Variants in SERPINA12 observed in about 807,000 individuals in gnomAD.
SERPINA12 encodes serpin A12.
Under a neutral mutation model 25.9 loss-of-function variants are expected in SERPINA12, and 21 were observed. That is an observed-to-expected ratio of 0.81 (90% CI 0.58 to 1.17). The LOEUF (loss-of-function observed/expected upper bound fraction) is 1.17, where lower values mean the gene tolerates loss of function less well. Ranked by LOEUF, SERPINA12 falls within the 50% of genes most tolerant of loss-of-function variation. The probability of loss-of-function intolerance (pLI) is 0.00; values close to 1 mark genes in which losing one functional copy is unlikely to be tolerated. For synonymous variants in SERPINA12, 220 were observed against 196.0 expected (o/e 1.12, Z -1.02); for missense variants, 562 against 508.3 (o/e 1.11, Z -1.02).
At chr14:94,512,974 T>C (rs1055313719), upstream of SERPINA12, among the ~76,000 whole-genome samples, 2 of 152,228 alleles carry the variant, frequency 1.3e-5, no homozygotes, top group Admixed American at 6.5e-5. Context: ...TCTCCAAGAA[T>C]GTTCCACACA....
exon 1 of SERPINA12, chr14:94,517,502 T>C (rs912711846): frequency 1.3e-5 from 2 of 152,248 alleles, no homozygotes; most frequent in African/African-American, 4.8e-5. Flanking sequence ...ATCACCATCG[T>C]CCCAGTGTGT....
chr14:94,514,967 A>T (rs902058590), intron 2 of SERPINA12, among the ~76,000 whole-genome samples: 2 of 152,198 alleles, frequency 1.3e-5, no homozygotes, highest in African/African-American at 4.8e-5. Context: ...GAGGAAACCC[A>T]CGGTGGCCGG....
chr14:94,515,680 TGCGGGCAAACA>T (rs1901215254), intron 2 of SERPINA12: 4 of 121,322 alleles, frequency 3.3e-5, no homozygotes, highest in Admixed American at 9.4e-5. Flanking sequence ...GCAGTGCAGA[TGCGGGCAAACA>T]GTGCAGATGC....
At chr14:94,489,572 G>T (rs774226716) in intron 4 of SERPINA12, 48 bp downstream of exon 4, 4 of 1,593,716 alleles carry the variant, frequency 2.5e-6, no homozygotes, top group Non-Finnish European at 3.4e-6. Flanking sequence ...CCGGCTGGGG[G>T]AAGGCCCCTG....
intron 2 of SERPINA12, among the ~76,000 whole-genome samples, chr14:94,515,639 G>A (rs1403885354): frequency 2.6e-5 from 4 of 151,844 alleles, no homozygotes; most frequent in African/African-American, 7.3e-5. Context: ...ATACTCAAAC[G>A]GCCAAAATCC....
intron 1 of SERPINA12, among the ~76,000 whole-genome samples, 107 bp downstream of exon 1, chr14:94,509,235 T>A (rs1260067405): frequency 6.6e-6 from 1 of 151,110 alleles, no homozygotes; most frequent in Non-Finnish European, 1.5e-5. Context: ...ATTTGAGTGA[T>A]CACCTTGGCC....
upstream of SERPINA12, among the ~76,000 whole-genome samples, chr14:94,511,907 G>A (rs1450831165): frequency 1.3e-5 from 2 of 152,090 alleles, no homozygotes; most frequent in Non-Finnish European, 2.9e-5. Context: ...AGACCAGCCT[G>A]GCCAATATGG....
At position 94,509,279 on chromosome 14, in the gene SERPINA12, A is replaced by AACACACACACACAC. The variant is rs3065835; in HGVS notation, c.-34+49_-34+62dup. On this transcript the variant is annotated intron_variant, in intron 1 of 4. Coordinates refer to ENST00000677451, the MANE Select transcript of SERPINA12 (RefSeq NM_001382267.1). ...TCTTCTCTAAGACAGAGAAACAGACAACACACACACACACACACACACACA... is the reference window on the plus strand; with the variant it reads ...TCTTCTCTAAGACAGAGAAACAGACAACACACACACACACACACACACACACACACACACACACA... Among the ~76,000 whole-genome samples, 459 of 134,718 alleles carry AACACACACACACAC rather than the reference A, an allele frequency of 3.4e-3. 1 individual carries two copies. Among genetic ancestry groups the AACACACACACACAC allele is most frequent in the South Asian group, 0.019 (74 of 3,820 alleles). The allele number at this position is 134,718 out of a possible 152,430, so 88.4% of individuals were successfully genotyped here.
rs749839300 is a variant in SERPINA12 at position 94,497,819 on chromosome 14, G to A, written c.579C>T (p.Ile193=). The A allele has an allele frequency of 1.1e-5, 17 of 1,613,820 alleles. No individual in the cohort carries two copies. The highest frequency in any genetic ancestry group is 9.3e-5 in the African/African-American group (7 of 74,872). Residue 193 remains isoleucine, a synonymous_variant, in exon 2 of 5, where the codon ATC becomes ATT. Coordinates refer to ENST00000677451, the MANE Select transcript of SERPINA12 (RefSeq NM_001382267.1). The stretch of plus-strand genomic sequence containing the variant: ...TCACAGTGCCGGGGTCTATATTCTC[G>A]ATCAGGTTGTTAATTTTCCCATGGG... ...QKTHGKINNL[I]ENIDPGTVML... is the part of the protein sequence containing the mutation.
upstream of SERPINA12, among the ~76,000 whole-genome samples, chr14:94,510,763 A>G (rs973534308): frequency 4.6e-5 from 7 of 152,266 alleles, no homozygotes; most frequent in African/African-American, 1.7e-4. Flanking sequence ...CCACTCAGCC[A>G]TAAAAAGGAA....
chr14:94,515,210 G>A (rs11625754), intron 2 of SERPINA12, among the ~76,000 whole-genome samples: 11,803 of 152,256 alleles, frequency 0.078, 521 homozygotes, highest in African/African-American at 0.097. Flanking sequence ...ATGATTGGGA[G>A]TGACAAGCCA....
At chr14:94,494,726 GAA>G in intron 3 of SERPINA12, among the ~76,000 whole-genome samples, 1 of 152,362 alleles carries the variant, frequency 6.6e-6, no homozygotes, top group Middle Eastern at 3.4e-3. Context: ...CAATGGGAAG[GAA>G]AGAGGAATTT....
chr14:94,490,219 C>G (rs944550743), intron 3 of SERPINA12, among the ~76,000 whole-genome samples: 8 of 152,190 alleles, frequency 5.3e-5, no homozygotes, highest in African/African-American at 1.7e-4. Context: ...CCTTCCCTCT[C>G]TAAGTCACTT....
Position 94,498,043 on chromosome 14 carries a change from T to C in SERPINA12, c.355A>G (p.Ile119Val). The change falls in exon 2 of 5, where the codon ATC (isoleucine) becomes GTC (valine). Residue 119 changes from isoleucine to valine, a missense_variant. Ile to Val is a conservative substitution (Grantham distance 29). Coordinates refer to ENST00000677451, the MANE Select transcript of SERPINA12 (RefSeq NM_001382267.1). ...EKDLHEGFHY[I>V]IHELTQKTQD... Reference sequence around the variant, plus strand: ...GTCTTCTGGGTCAGCTCGTGGATGATGTAATGGAAGCCCTCATGAAGATCT... The same window carrying C: ...GTCTTCTGGGTCAGCTCGTGGATGACGTAATGGAAGCCCTCATGAAGATCT... 2 of 1,614,172 alleles carry C rather than the reference T, an allele frequency of 1.2e-6. No homozygotes were observed. Among genetic ancestry groups the C allele is most frequent in the Non-Finnish European group, 1.7e-6 (2 of 1,180,034 alleles).
chr14:94,487,366 A>T lies in SERPINA12; in HGVS notation c.1182T>A (p.Ile394=). Residue 394 remains isoleucine (I), a synonymous_variant, in exon 5 of 5, where the codon ATT becomes ATA. Coordinates refer to ENST00000677451, the MANE Select transcript of SERPINA12 (RefSeq NM_001382267.1). ...VKIDKPYLLL[I]YSEKIPSVLF... ...GCACGGAAGGTATTTTCTCGCTGTA[A>T]ATCAGCAGCAGATAGGGTTTGTCTA... 4 of 1,614,124 alleles carry T rather than the reference A, an allele frequency of 2.5e-6. No individual in the cohort carries two copies. The highest frequency in any genetic ancestry group is 3.4e-6 in the Non-Finnish European group (4 of 1,180,010).
At chr14:94,506,431 G>A (rs536380450) in intron 1 of SERPINA12, among the ~76,000 whole-genome samples, 81 of 152,304 alleles carry the variant, frequency 5.3e-4, no homozygotes, top group African/African-American at 1.6e-3. Flanking sequence ...CACACAAGAG[G>A]CACCTGATCC....
intron 1 of SERPINA12, among the ~76,000 whole-genome samples, chr14:94,506,428 G>A (rs1900934551): frequency 6.6e-6 from 1 of 152,188 alleles, no homozygotes; most frequent in Non-Finnish European, 1.5e-5. Context: ...GAACACACAA[G>A]AGGCACCTGA....
Position 94,489,630 on chromosome 14 carries a change from T to G in SERPINA12, c.1043A>C (p.Lys348Thr). ...GCTAGGCAGGCTTACCTCGCCCACT[T>G]TCAGGCTGCGATGAGGGGCGATCTT... is the stretch of plus-strand genomic sequence containing the variant. ...LTKIAPHRSL[K>T]VGEAVHKAEL... The change falls in exon 4 of 5, where the codon AAA (lysine) becomes ACA (threonine). Residue 348 changes from lysine (K) to threonine (T), a missense_variant. Transcript: ENST00000677451. The G allele has an allele frequency of 6.2e-7, 1 of 1,614,014 alleles. No individual in the cohort carries two copies. Among genetic ancestry groups the G allele is most frequent in the African/African-American group, 1.3e-5 (1 of 75,030 alleles).
intron 1 of SERPINA12, among the ~76,000 whole-genome samples, chr14:94,505,493 C>A (rs376654227): frequency 6.6e-6 from 1 of 152,194 alleles, no homozygotes; most frequent in Admixed American, 6.5e-5. Flanking sequence ...TCACACTGGC[C>A]GGCTCTGGTC....
Sources: allele counts gnomAD v4.1 joint callset (sites outside exome capture counted in the v4.1 genomes callset), GRCh38; gene constraint gnomAD v4.1.1; transcripts MANE v1.5; gene names NCBI Gene and HGNC (gene_info 2026-07-23, HGNC 2026-07-21).